The following KCNMB2 variants were observed in gnomAD, a reference collection of about 807,000 sequenced individuals.
KCNMB2 encodes the protein calcium-activated potassium channel subunit beta-2.
A neutral mutation model predicts 24.5 loss-of-function variants in KCNMB2; 9 were observed. That is an observed-to-expected ratio of 0.37 (90% CI 0.22 to 0.64). KCNMB2 has a LOEUF of 0.64. Ranked by LOEUF, KCNMB2 falls within the 30% of genes least tolerant of loss-of-function variation. KCNMB2 has a pLI of 0.63. For synonymous variants in KCNMB2, 109 were observed against 104.4 expected, an observed-to-expected ratio of 1.04 and a Z score of -0.27; for missense variants, 226 against 284.3, an observed-to-expected ratio of 0.79 and a Z score of 1.47.
At chr3:178,602,589 T>TA (rs923648504) in intron 1 of KCNMB2, among the ~76,000 whole-genome samples, 3 of 151,198 alleles carry the variant, frequency 2.0e-5, no homozygotes, top group Non-Finnish European at 2.9e-5. Context: ...GGAGGAGTGA[T>TA]ATGTAAGCAA....
At chr3:178,834,654 G>A (rs1478398142) in intron 4 of KCNMB2, among the ~76,000 whole-genome samples, 4 of 152,118 alleles carry the variant, frequency 2.6e-5, no homozygotes, top group Admixed American at 2.6e-4. Flanking sequence ...TAAAAAAAAA[G>A]TGGGGGCGTG....
At chr3:178,715,636 C>T (rs1722596394) in intron 1 of KCNMB2, among the ~76,000 whole-genome samples, 1 of 152,162 alleles carries the variant, frequency 6.6e-6, no homozygotes, top group Non-Finnish European at 1.5e-5. Flanking sequence ...GGAAACCACA[C>T]CATACTGCTG....
chr3:178,564,232 C>T (rs1249581872), intron 1 of KCNMB2, among the ~76,000 whole-genome samples: 5 of 151,242 alleles, frequency 3.3e-5, no homozygotes, highest in African/African-American at 1.2e-4. Context: ...GAGTCGAGGT[C>T]GTGCCAGTGC....
chr3:178,747,071 A>T (rs1421992490), intron 1 of KCNMB2: 2 of 152,458 alleles, frequency 1.3e-5, no homozygotes, highest in African/African-American at 4.8e-5. Context: ...AATTTACTGT[A>T]TTAGTCTATT....
chr3:178,557,981 G>T (rs1272359537), intron 1 of KCNMB2, among the ~76,000 whole-genome samples: 1 of 152,146 alleles, frequency 6.6e-6, no homozygotes, highest in African/African-American at 2.4e-5. Flanking sequence ...CTGCTGTGAG[G>T]TTCCTGGTTA....
intron 1 of KCNMB2, among the ~76,000 whole-genome samples, chr3:178,750,086 T>C (rs1010277547): frequency 2.6e-5 from 4 of 152,200 alleles, no homozygotes; most frequent in African/African-American, 9.7e-5. Context: ...TTAACCACTT[T>C]TAGAGCTCAG....
At chr3:178,671,039 G>T (rs1720881118) in intron 1 of KCNMB2, among the ~76,000 whole-genome samples, 1 of 152,062 alleles carries the variant, frequency 6.6e-6, no homozygotes, top group Non-Finnish European at 1.5e-5. Context: ...GATTCAATCT[G>T]ATTCCTTCAT....
At chr3:178,582,260 G>A (rs1717240039) in intron 1 of KCNMB2, among the ~76,000 whole-genome samples, 2 of 152,136 alleles carry the variant, frequency 1.3e-5, no homozygotes, top group Admixed American at 6.5e-5. Context: ...ACTAACACAG[G>A]AACAGAAAAC....
At chr3:178,598,535 T>A (rs973282375) in intron 1 of KCNMB2, among the ~76,000 whole-genome samples, 4 of 152,014 alleles carry the variant, frequency 2.6e-5, no homozygotes, top group Admixed American at 6.6e-5. Flanking sequence ...AAGAAAGCTA[T>A]GATTACAGTA....
chr3:178,548,030 CT>C (rs1560105071), intron 1 of KCNMB2, among the ~76,000 whole-genome samples: 1 of 152,168 alleles, frequency 6.6e-6, no homozygotes, highest in African/African-American at 2.4e-5. Context: ...TTCAAAATAT[CT>C]TTTGTTTCTG....
chr3:178,672,610 C>T (rs1720940923), intron 1 of KCNMB2, among the ~76,000 whole-genome samples: 1 of 152,198 alleles, frequency 6.6e-6, no homozygotes, highest in African/African-American at 2.4e-5. Flanking sequence ...ACCGAACATT[C>T]ACAAGGGTCT....
Position 178,671,579 on chromosome 3 carries a change from T to C in KCNMB2, c.-68+134868T>C, listed in dbSNP as rs190402520. The stretch of plus-strand genomic sequence containing the variant: ...GAAAATACAGAATACAGAGAGAAGG[T>C]GAAATTGATGATCCACAGCACAGTT... On this transcript the variant is annotated intron_variant, in intron 1 of 4. Coordinates refer to ENST00000452583, the MANE Select transcript of KCNMB2 (RefSeq NM_181361.3). Among the ~76,000 whole-genome samples, 6 of 151,876 alleles carry C rather than the reference T, an allele frequency of 4.0e-5. No individual in the cohort carries two copies. In the East Asian group the frequency reaches 1.2e-3, roughly 30 times the overall value.
At chr3:178,835,947 T>C (rs1577225567) in intron 4 of KCNMB2, among the ~76,000 whole-genome samples, 1 of 152,196 alleles carries the variant, frequency 6.6e-6, no homozygotes, top group Non-Finnish European at 1.5e-5. Context: ...ACATGGTATA[T>C]TGGAGCCAAC....
intron 1 of KCNMB2, among the ~76,000 whole-genome samples, chr3:178,623,436 T>C (rs1718992788): frequency 6.6e-6 from 1 of 152,204 alleles, no homozygotes; most frequent in Non-Finnish European, 1.5e-5. Context: ...GGAGAAATCA[T>C]CAACTTGAAT....
At chr3:178,558,472 A>G (rs1030051323) in intron 1 of KCNMB2, among the ~76,000 whole-genome samples, 3 of 152,224 alleles carry the variant, frequency 2.0e-5, no homozygotes, top group African/African-American at 4.8e-5. Context: ...CAAGATGAAT[A>G]AGCTAGAACA....
At chr3:178,590,489 A>C (rs1005831184) in intron 1 of KCNMB2, among the ~76,000 whole-genome samples, 2 of 152,188 alleles carry the variant, frequency 1.3e-5, no homozygotes, top group Non-Finnish European at 2.9e-5. Context: ...AATTGCATTA[A>C]CTTTTTTAAA....
intron 4 of KCNMB2, among the ~76,000 whole-genome samples, chr3:178,839,254 C>A (rs1276859320): frequency 1.3e-5 from 2 of 150,540 alleles, no homozygotes; most frequent in Non-Finnish European, 3.0e-5. Flanking sequence ...GAAAATAAGT[C>A]ACAGAGATTT....
At chr3:178,821,327 A>G (rs548296410) in intron 2 of KCNMB2, among the ~76,000 whole-genome samples, 9 of 152,314 alleles carry the variant, frequency 5.9e-5, no homozygotes, top group Admixed American at 1.3e-4. Context: ...GCTCCTTCCA[A>G]CTAGCACTGA....
intron 1 of KCNMB2, among the ~76,000 whole-genome samples, chr3:178,546,848 A>G (rs1715791065): frequency 6.6e-6 from 1 of 152,218 alleles, no homozygotes; most frequent in Non-Finnish European, 1.5e-5. Flanking sequence ...ATGGAGAAGA[A>G]CAAGAGTGGA....
Sources: allele counts gnomAD v4.1 joint callset (sites outside exome capture counted in the v4.1 genomes callset), GRCh38; gene constraint gnomAD v4.1.1; transcripts MANE v1.5; gene names NCBI Gene and HGNC (gene_info 2026-07-23, HGNC 2026-07-21).